Variants in SEMA6D observed in about 807,000 individuals in gnomAD.
The protein encoded by SEMA6D is semaphorin 6D.
A neutral mutation model predicts 106.6 loss-of-function variants in SEMA6D; 35 were observed. That is an observed-to-expected ratio of 0.33 (90% CI 0.25 to 0.44). The LOEUF (loss-of-function observed/expected upper bound fraction) is 0.44, where lower values mean the gene tolerates loss of function less well. Among genes scored for constraint, SEMA6D ranks in the 20% least tolerant of loss-of-function variants. The probability of loss-of-function intolerance (pLI) is 1.00; values close to 1 mark genes in which losing one functional copy is unlikely to be tolerated. For missense variants in SEMA6D, 1,185 were observed against 1,345.9 expected (o/e 0.88, Z 1.87); for synonymous variants, 499 against 487.7 (o/e 1.02, Z -0.31).
chr15:47,310,303 A>G (rs1259433557), intron 1 of SEMA6D, among the ~76,000 whole-genome samples: 3 of 152,154 alleles, frequency 2.0e-5, no homozygotes, highest in African/African-American at 7.2e-5. Context: ...AAAGCAGCCA[A>G]TTTCAGAGGC....
chr15:47,350,231 G>T (rs1039279354), intron 1 of SEMA6D, among the ~76,000 whole-genome samples: 14 of 142,558 alleles, frequency 9.8e-5, no homozygotes, highest in Non-Finnish European at 3.2e-5. Flanking sequence ...TGTCAAACCT[G>T]CTCTGAACTC....
intron 1 of SEMA6D, among the ~76,000 whole-genome samples, chr15:47,294,944 C>T (rs906381870): frequency 1.3e-5 from 2 of 152,108 alleles, no homozygotes; most frequent in Admixed American, 1.3e-4. Flanking sequence ...ATTTAGTTCT[C>T]TTGTGCAATA....
intron 1 of SEMA6D, among the ~76,000 whole-genome samples, chr15:47,254,487 G>A (rs188138531): frequency 2.3e-4 from 35 of 151,980 alleles, no homozygotes; most frequent in South Asian, 6.2e-4. Flanking sequence ...TGGTAAGAAT[G>A]GACATCCTCA....
intron 4 of SEMA6D, among the ~76,000 whole-genome samples, chr15:47,663,896 C>T (rs1019665472): frequency 1.2e-4 from 19 of 152,114 alleles, no homozygotes; most frequent in Non-Finnish European, 2.2e-4. Context: ...AGTGGTTGCC[C>T]GTGGACACTC....
intron 4 of SEMA6D, among the ~76,000 whole-genome samples, chr15:47,694,521 C>T (rs888829815): frequency 1.3e-5 from 2 of 152,088 alleles, no homozygotes; most frequent in African/African-American, 4.8e-5. Flanking sequence ...AAAAGTCTTT[C>T]TTCCTGTGCC....
intron 3 of SEMA6D, among the ~76,000 whole-genome samples, chr15:47,576,285 C>G (rs1462632505): frequency 6.6e-6 from 1 of 152,196 alleles, no homozygotes; most frequent in African/African-American, 2.4e-5. Flanking sequence ...CCAAATGCAG[C>G]TGACCCCAGC....
At chr15:47,417,466 A>T (rs1042840932) in intron 2 of SEMA6D, among the ~76,000 whole-genome samples, 1 of 150,710 alleles carries the variant, frequency 6.6e-6, no homozygotes, top group Non-Finnish European at 1.5e-5. Context: ...AGAGAATATC[A>T]ATGTCTGAGA....
chr15:47,453,269 TG>T (rs1269201824), intron 2 of SEMA6D, among the ~76,000 whole-genome samples: 1 of 151,386 alleles, frequency 6.6e-6, no homozygotes, highest in Non-Finnish European at 1.5e-5. Flanking sequence ...TAAATAAAAA[TG>T]ACTTAAGTGC....
chr15:47,232,527 GT>G (rs1201275854), intron 1 of SEMA6D, among the ~76,000 whole-genome samples: 15 of 972 alleles, frequency 0.015, no homozygotes, highest in Middle Eastern at 0.5. Context: ...TGGGGGGAGG[GT>G]GTGTGTGTGT....
chr15:47,497,685 A>G (rs550471593), intron 3 of SEMA6D, among the ~76,000 whole-genome samples: 1 of 152,190 alleles, frequency 6.6e-6, no homozygotes, highest in African/African-American at 2.4e-5. Context: ...CAATTCTGTA[A>G]CAGCCTTCCT....
At chr15:47,310,640 T>C (rs2036412644) in intron 1 of SEMA6D, among the ~76,000 whole-genome samples, 1 of 152,172 alleles carries the variant, frequency 6.6e-6, no homozygotes, top group Non-Finnish European at 1.5e-5. Flanking sequence ...TTGTTATGGA[T>C]ATCTGGGTAC....
At chr15:47,263,072 A>G (rs368190119) in intron 1 of SEMA6D, among the ~76,000 whole-genome samples, 1 of 152,212 alleles carries the variant, frequency 6.6e-6, no homozygotes, top group African/African-American at 2.4e-5. Context: ...AGATAAATGT[A>G]AAACCCAAAA....
At chr15:47,569,935 C>CCGGTAATCCCAGCTACT (rs1472195625) in intron 3 of SEMA6D, among the ~76,000 whole-genome samples, 1 of 151,798 alleles carries the variant, frequency 6.6e-6, no homozygotes, top group African/African-American at 2.4e-5. Context: ...GTGGTGGGTG[C>CCGGTAATCCCAGCTACT]CGGTAATCCC....
intron 3 of SEMA6D, among the ~76,000 whole-genome samples, chr15:47,575,432 G>A (rs578169726): frequency 1.3e-5 from 2 of 152,206 alleles, no homozygotes; most frequent in East Asian, 3.9e-4. Context: ...TTGAATGGGG[G>A]CTGGCTAGTA....
chr15:47,230,483 C>G (rs2032115218), intron 1 of SEMA6D, among the ~76,000 whole-genome samples: 1 of 151,948 alleles, frequency 6.6e-6, no homozygotes, highest in African/African-American at 2.4e-5. Flanking sequence ...GCCTGTGTTT[C>G]CTTCTGTCTC....
At chr15:47,753,654 T>C (rs1014539360) in intron 1 of SEMA6D, among the ~76,000 whole-genome samples, 5 of 152,148 alleles carry the variant, frequency 3.3e-5, no homozygotes, top group African/African-American at 1.2e-4. Context: ...GGCTGAAGTC[T>C]CCATATGGAA....
chr15:47,402,135 C>G (rs567642159), intron 1 of SEMA6D, among the ~76,000 whole-genome samples: 131 of 152,264 alleles, frequency 8.6e-4, no homozygotes, highest in African/African-American at 2.8e-3. Context: ...TGTTAATGAG[C>G]TCTTGAAATG....
intron 1 of SEMA6D, among the ~76,000 whole-genome samples, chr15:47,361,354 TTTA>T (rs1185385500): frequency 6.6e-6 from 1 of 152,234 alleles, no homozygotes; most frequent in Non-Finnish European, 1.5e-5. Context: ...TTGGACGAGT[TTTA>T]TTATTCCCTG....
intron 3 of SEMA6D, among the ~76,000 whole-genome samples, chr15:47,591,216 TTTA>T (rs2076432808): frequency 6.6e-6 from 1 of 152,152 alleles, no homozygotes; most frequent in South Asian, 2.1e-4. Flanking sequence ...CTCTTGTTCT[TTTA>T]TTATATCAGG....
Sources: allele counts gnomAD v4.1 joint callset (sites outside exome capture counted in the v4.1 genomes callset), GRCh38; gene constraint gnomAD v4.1.1; transcripts MANE v1.5; gene names NCBI Gene and HGNC (gene_info 2026-07-23, HGNC 2026-07-21).